The following ZFYVE28 variants were observed in gnomAD, a reference collection of about 807,000 sequenced individuals.
The protein encoded by ZFYVE28 is lateral signaling target protein 2 homolog.
A neutral mutation model predicts 82.1 loss-of-function variants in ZFYVE28; 40 were observed. The observed-to-expected ratio is 0.49, with a 90% CI of 0.38 to 0.63. The LOEUF is 0.63. Ranked by LOEUF, ZFYVE28 falls within the 30% of genes least tolerant of loss-of-function variation. The probability of loss-of-function intolerance (pLI) is 0.00; values close to 1 mark genes in which losing one functional copy is unlikely to be tolerated. For synonymous variants in ZFYVE28, 612 were observed against 546.1 expected (o/e 1.12, Z -1.68); for missense variants, 1,321 against 1,242.1 (o/e 1.06, Z -0.96).
At chr4:2,379,590 C>T (rs1728510929) in intron 1 of ZFYVE28, among the ~76,000 whole-genome samples, 1 of 152,150 alleles carries the variant, frequency 6.6e-6, no homozygotes, top group South Asian at 2.1e-4. Context: ...GGCAGGACTC[C>T]TCCTGTGCAG....
rs984282802 is a variant in ZFYVE28, at chr4:2,372,968, C to G, written c.40-18895G>C. ...CATGCCCACCAGAAGACCACCACGTCTCTGGGCAGACACTCGGGGTACCCT... is the reference window on the plus strand; with the variant it reads ...CATGCCCACCAGAAGACCACCACGTGTCTGGGCAGACACTCGGGGTACCCT... On this transcript the variant is annotated intron_variant, in intron 1 of 12. Transcript: ENST00000290974. This position sits in a 1 kb window ranked among gnomAD's most constrained non-coding sequence, Gnocchi z 5.2. 1.3e-5 allele frequency among the ~76,000 whole-genome samples: 2 copies of G among 152,166 alleles called. No individual in the cohort carries two copies. The highest frequency in any genetic ancestry group is 4.8e-5 in the African/African-American group (2 of 41,422).
chr4:2,389,344 C>T (rs1729588619), intron 1 of ZFYVE28, among the ~76,000 whole-genome samples: 1 of 152,208 alleles, frequency 6.6e-6, no homozygotes, highest in Admixed American at 6.5e-5. Context: ...GAGAGGCCAG[C>T]CTGCCTGAGG....
At chr4:2,387,717 A>G (rs1216712250) in intron 1 of ZFYVE28, among the ~76,000 whole-genome samples, 1 of 152,228 alleles carries the variant, frequency 6.6e-6, no homozygotes, top group Admixed American at 6.5e-5. Flanking sequence ...CTGCCAAAAG[A>G]GCACCTAACA....
Position 2,362,095 on chromosome 4 carries a change from C to T in ZFYVE28, c.40-8022G>A, listed in dbSNP as rs1170737277. Among the ~76,000 whole-genome samples, 1 of 152,130 alleles carries T rather than the reference C, an allele frequency of 6.6e-6. No individual in the cohort carries two copies. The highest frequency in any genetic ancestry group is 1.9e-4 in the East Asian group (1 of 5,190). ...CCCAAGACAGACCACCCCAGGCAGC[C>T]AGCTCCCTACCCCTACAGCCCCCAC... On this transcript the variant is annotated intron_variant, in intron 1 of 12. Coordinates refer to ENST00000290974, the MANE Select transcript of ZFYVE28 (RefSeq NM_020972.3). This position sits in a 1 kb window ranked among gnomAD's most constrained non-coding sequence, Gnocchi z 5.1.
rs1352969848 is a variant in ZFYVE28, at chr4:2,335,749, G to A, written c.657C>T (p.Tyr219=). ...GGATGCTGAACATGAGGGCCGGCTC[G>A]TAGTCATCAATCATGTCCTGAGTCA... The part of the protein sequence containing the change: ...GYLTQDMIDD[Y]EPALMFSIPR... The change falls in exon 6 of 13, where the codon TAC becomes TAT. Residue 219 remains tyrosine (Y), a synonymous_variant. Coordinates refer to ENST00000290974, the MANE Select transcript of ZFYVE28 (RefSeq NM_020972.3). This position sits in a 1 kb window ranked among gnomAD's most constrained non-coding sequence, Gnocchi z 5.8. 38 of 1,574,320 alleles carry A rather than the reference G, an allele frequency of 2.4e-5. No individual in the cohort carries two copies. Among genetic ancestry groups the A allele is most frequent in the Non-Finnish European group, 2.9e-5 (34 of 1,160,030 alleles).
At chr4:2,389,119 G>A (rs969050275) in intron 1 of ZFYVE28, among the ~76,000 whole-genome samples, 1 of 152,174 alleles carries the variant, frequency 6.6e-6, no homozygotes, top group Non-Finnish European at 1.5e-5. Flanking sequence ...AGCTCCCTCA[G>A]AACATGGCTC....
At chr4:2,313,121 T>G (rs1412379472) in intron 7 of ZFYVE28, among the ~76,000 whole-genome samples, 6 of 151,824 alleles carry the variant, frequency 4.0e-5, no homozygotes, top group Admixed American at 1.3e-4. Context: ...TTCCAGGTTT[T>G]TTTTTTTTTT....
rs527410907 is a variant in ZFYVE28 at position 2,304,657 on chromosome 4, C to A, written c.1683G>T (p.Leu561=). ...AGCTCCCACAGCACACGCAGGAATG[C>A]AGAAGGCAGTTGGTGGCCCCAGTGC... ...KLSTGATNCL[L]HSCVCCGSCG... The change falls in exon 8 of 13, where the codon CTG becomes CTT. Residue 561 remains leucine (L), a synonymous_variant. Coordinates refer to ENST00000290974, the MANE Select transcript of ZFYVE28 (RefSeq NM_020972.3). 8 of 1,612,646 alleles carry A rather than the reference C, an allele frequency of 5.0e-6. No homozygotes were observed. The highest frequency in any genetic ancestry group is 5.9e-6 in the Non-Finnish European group (7 of 1,179,896).
chr4:2,283,605 T>TCCATCCAC (rs1712298536), intron 8 of ZFYVE28, among the ~76,000 whole-genome samples: 1 of 152,032 alleles, frequency 6.6e-6, no homozygotes, highest in Admixed American at 6.6e-5. Context: ...CATCCATCCA[T>TCCATCCAC]CCACCTGCCC....
chr4:2,395,450 G>A (rs962912512), intron 1 of ZFYVE28, among the ~76,000 whole-genome samples: 17 of 152,122 alleles, frequency 1.1e-4, no homozygotes, highest in African/African-American at 3.9e-4. Context: ...GGATCCCAAC[G>A]CTCTCCCCAC....
chr4:2,411,620 C>T (rs966947469), intron 1 of ZFYVE28, among the ~76,000 whole-genome samples: 3 of 152,202 alleles, frequency 2.0e-5, no homozygotes, highest in African/African-American at 7.2e-5. Flanking sequence ...TCTGGGGTCC[C>T]GCGGACAGGA....
At chr4:2,325,183 A>AT (rs60930807) in intron 6 of ZFYVE28, 1 of 152,192 alleles carries the variant, frequency 6.6e-6, no homozygotes, top group East Asian at 1.9e-4. Flanking sequence ...GAAAAAAAAA[A>AT]TTAACTTTAT....
rs1336132731 is a variant in ZFYVE28, at chr4:2,372,871, C to T, written c.40-18798G>A. ...ACTGCAGCCTGGACCCAGTCCCTAC[C>T]CAGGGGCCCTCCTAGCACCCCCAGC... On this transcript the variant is annotated intron_variant, in intron 1 of 12. Coordinates refer to ENST00000290974, the MANE Select transcript of ZFYVE28 (RefSeq NM_020972.3). The surrounding 1 kb of genome is among the most constrained non-coding windows in gnomAD (Gnocchi z 5.2). Among the ~76,000 whole-genome samples, 2 of 152,158 alleles carry T rather than the reference C, an allele frequency of 1.3e-5. No individual in the cohort carries two copies. The highest frequency in any genetic ancestry group is 2.4e-5 in the African/African-American group (1 of 41,438).
At chr4:2,391,455 C>CTTTTTTTTTTT (rs140103966) in intron 1 of ZFYVE28, among the ~76,000 whole-genome samples, 1 of 117,178 alleles carries the variant, frequency 8.5e-6, no homozygotes, top group Non-Finnish European at 1.7e-5. Context: ...GGTCAATTAT[C>CTTTTTTTTTTT]TTTTTTTTTT....
At chr4:2,389,829 C>G (rs1339433321) in intron 1 of ZFYVE28, among the ~76,000 whole-genome samples, 3 of 152,164 alleles carry the variant, frequency 2.0e-5, no homozygotes, top group Non-Finnish European at 2.9e-5. Flanking sequence ...TAGCTCCCTA[C>G]CTACTCTCAG....
At position 2,372,779 on chromosome 4, in the gene ZFYVE28, C is replaced by T. The variant is rs112168835; in HGVS notation, c.40-18706G>A. ...TCATGATGGCAGAGCCAGCTGCCTCCCTGGACCAAGGATGCTGCACACCCC... is the reference window on the plus strand; with the variant it reads ...TCATGATGGCAGAGCCAGCTGCCTCTCTGGACCAAGGATGCTGCACACCCC... On this transcript the variant is annotated intron_variant, in intron 1 of 12. Transcript: ENST00000290974. This position sits in a 1 kb window ranked among gnomAD's most constrained non-coding sequence, Gnocchi z 5.2. Among the ~76,000 whole-genome samples the T allele has an allele frequency of 0.036, 5,427 of 152,186 alleles. 298 individuals are homozygous for T. Among genetic ancestry groups the T allele is most frequent in the African/African-American group, 0.12 (4,984 of 41,482 alleles).
chr4:2,320,672 C>A lies in ZFYVE28; in HGVS notation c.702-401G>T, dbSNP rs1473716336. ...TCTGCAGAGCTTTATGAGAACTGGA[C>A]CTGGAACCATCTTCTCCAAAAGCAA... On this transcript the variant is annotated intron_variant, in intron 6 of 12. Coordinates refer to ENST00000290974, the MANE Select transcript of ZFYVE28 (RefSeq NM_020972.3). This position sits in a 1 kb window ranked among gnomAD's most constrained non-coding sequence, Gnocchi z 5.1. Among the ~76,000 whole-genome samples the A allele has an allele frequency of 1.3e-5, 2 of 152,202 alleles. No individual in the cohort carries two copies. The highest frequency in any genetic ancestry group is 3.9e-4 in the East Asian group (2 of 5,190).
intron 1 of ZFYVE28, among the ~76,000 whole-genome samples, chr4:2,369,228 C>A (rs544060741): frequency 6.6e-6 from 1 of 152,284 alleles, no homozygotes; most frequent in South Asian, 2.1e-4. Flanking sequence ...GTGGACTGAC[C>A]AGATCTGCTT....
chr4:2,289,631 G>A (rs1179681592), intron 8 of ZFYVE28, among the ~76,000 whole-genome samples: 2 of 152,148 alleles, frequency 1.3e-5, no homozygotes, highest in African/African-American at 4.8e-5. Flanking sequence ...CCTGCCTCGG[G>A]TCCCAAAGCA....
Sources: allele counts gnomAD v4.1 joint callset (sites outside exome capture counted in the v4.1 genomes callset), GRCh38; gene constraint gnomAD v4.1.1; non-coding constraint Gnocchi (gnomAD v3.1); transcripts MANE v1.5; gene names NCBI Gene and HGNC (gene_info 2026-07-23, HGNC 2026-07-21).